The following CYP4V2 variants were observed in gnomAD, a reference collection of about 807,000 sequenced individuals.
CYP4V2 encodes cytochrome P450 4V2.
CYP4V2 carries 55 observed loss-of-function variants against 60.8 expected under a neutral mutation model. The observed-to-expected ratio is 0.90, with a 90% CI of 0.73 to 1.13. The LOEUF (loss-of-function observed/expected upper bound fraction) is 1.13, where lower values mean the gene tolerates loss of function less well. CYP4V2 is among the 50% of genes most tolerant of loss of function. The pLI, the probability that CYP4V2 is intolerant of heterozygous loss-of-function variation, is 0.00. For missense variants in CYP4V2, 675 were observed against 662.9 expected (o/e 1.02, Z -0.20); for synonymous variants, 239 against 236.8 (o/e 1.01, Z -0.08).
At position 186,194,494 on chromosome 4, in the gene CYP4V2, C is replaced by T. The variant is rs372144743; in HGVS notation, c.215-6C>T. Reference sequence around the variant, plus strand: ...ATTGAATTTCAAATTTGATGTTTTTCCCCAGAATTTTTTCAGCAGATCATT... The same window carrying T: ...ATTGAATTTCAAATTTGATGTTTTTTCCCAGAATTTTTTCAGCAGATCATT... On this transcript the variant is annotated splice_region_variant and splice_polypyrimidine_tract_variant and intron_variant, in intron 1 of 10. Coordinates refer to ENST00000378802, the MANE Select transcript of CYP4V2 (RefSeq NM_207352.4). 24 of 1,612,164 alleles carry T rather than the reference C, an allele frequency of 1.5e-5. No individual in the cohort carries two copies. In the African/African-American group the frequency reaches 2.9e-4, roughly 20 times the overall value.
At position 186,195,320 on chromosome 4, in the gene CYP4V2, G is replaced by A. The variant is rs559578989; in HGVS notation, c.328-683G>A. Among the ~76,000 whole-genome samples, 14 of 152,326 alleles carry A rather than the reference G, an allele frequency of 9.2e-5. No individual in the cohort carries two copies. Among genetic ancestry groups the A allele is most frequent in the Admixed American group, 2.6e-4 (4 of 15,302 alleles). ...CCAGAATCCTGGCTCAGAGAAGAGA[G>A]CAAGAAGGGCAGACAGGATTTCTGC... On this transcript the variant is annotated intron_variant, in intron 2 of 10. Coordinates refer to ENST00000378802, the MANE Select transcript of CYP4V2 (RefSeq NM_207352.4). This position sits in a 1 kb window ranked among gnomAD's most constrained non-coding sequence, Gnocchi z 4.1.
chr4:186,209,376 GCCTT>G, intron 10 of CYP4V2, 104 bp downstream of exon 10: 1 of 1,402,880 alleles, frequency 7.1e-7, no homozygotes, highest in Admixed American at 1.8e-5. Context: ...ATATGCAACA[GCCTT>G]AAAAAAAAAA....
At position 186,194,667 on chromosome 4, in the gene CYP4V2, T is replaced by C; in HGVS notation, c.327+55T>C. On this transcript the variant is annotated intron_variant, in intron 2 of 10. Coordinates refer to ENST00000378802, the MANE Select transcript of CYP4V2 (RefSeq NM_207352.4). ...TACTGTGTATCTGACAGTGTGAGAA[T>C]CTCACCAGAATCAATATAACGTGTC... 2.0e-6 allele frequency: 3 copies of C among 1,474,460 alleles called. No homozygotes were observed. In the South Asian group the frequency reaches 3.4e-5, roughly 17 times the overall value. 91.3% of individuals were successfully genotyped at this position (1,474,460 alleles called of 1,614,324 possible).
At chr4:186,197,937 AAAAC>A (rs1475413656) in intron 5 of CYP4V2, among the ~76,000 whole-genome samples, 36 of 152,242 alleles carry the variant, frequency 2.4e-4, no homozygotes, top group Admixed American at 1.3e-3. Context: ...TTCATAGAAA[AAAAC>A]TAGCAGATAT....
At position 186,212,237 on chromosome 4, in the gene CYP4V2, T is replaced by C. The variant is rs1458929555; in HGVS notation, c.*1596T>C. 3 of 152,200 alleles carry C rather than the reference T, an allele frequency of 2.0e-5. No homozygotes were observed. In the East Asian group the frequency reaches 5.8e-4, roughly 29 times the overall value. The allele number at this position is 152,200 out of a possible 1,614,324, so 9.4% of individuals were successfully genotyped here. A position where few individuals can be genotyped will look rare whatever the true frequency, so the allele number is the denominator to read the frequency against. Reference sequence around the variant, plus strand: ...CTCAGGGTGATGATCAGACGTGTCATTAGAACATGAGTCCTCTGCTTCTGA... The same window carrying C: ...CTCAGGGTGATGATCAGACGTGTCACTAGAACATGAGTCCTCTGCTTCTGA... On this transcript the variant is annotated 3_prime_UTR_variant, in exon 11 of 11. Transcript: ENST00000378802.
rs1736747285 is a variant in CYP4V2 at position 186,212,244 on chromosome 4, A to G, written c.*1603A>G. On this transcript the variant is annotated 3_prime_UTR_variant, in exon 11 of 11. Transcript: ENST00000378802. ...TGATGATCAGACGTGTCATTAGAAC[A>G]TGAGTCCTCTGCTTCTGATTCAGGC... 6.6e-6 allele frequency: 1 copy of G among 152,188 alleles called. No individual in the cohort carries two copies. Among genetic ancestry groups the G allele is most frequent in the African/African-American group, 2.4e-5 (1 of 41,460 alleles). The allele number at this position is 152,188 out of a possible 1,614,324, so 9.4% of individuals were successfully genotyped here. A position where few individuals can be genotyped will look rare whatever the true frequency, so the allele number is the denominator to read the frequency against.
chr4:186,202,405 G>A (rs1158082692), intron 7 of CYP4V2: 2 of 152,112 alleles, frequency 1.3e-5, no homozygotes, highest in Admixed American at 1.3e-4. Flanking sequence ...TAGCCGTTCT[G>A]GGCCTGAATA....
Position 186,191,616 on chromosome 4 carries a change from C to A in CYP4V2, c.-208C>A. On this transcript the variant is annotated 5_prime_UTR_variant, in exon 1 of 11. Transcript: ENST00000378802. ...GTGGAGGCCGCGGTGCTGCGTAGGC[C>A]GGGCCGGGCGCAGGAACAGCCCCGT... is the stretch of plus-strand genomic sequence containing the variant. The A allele has an allele frequency of 2.8e-6, 1 of 359,030 alleles. No homozygotes were observed. Among genetic ancestry groups the A allele is most frequent in the Non-Finnish European group, 4.8e-6 (1 of 208,834 alleles). 22.2% of individuals were successfully genotyped at this position (359,030 alleles called of 1,614,324 possible). A position where few individuals can be genotyped will look rare whatever the true frequency, so the allele number is the denominator to read the frequency against.
rs1227286487 is a variant in CYP4V2, at chr4:186,208,977, T to C, written c.1203T>C (p.Ser401=). ...CTTCTGTTCCTTTATTTGCCCGTAGTGTTAGTGAAGATTGTGAAGTGGGTA... is the reference window on the plus strand; with the variant it reads ...CTTCTGTTCCTTTATTTGCCCGTAGCGTTAGTGAAGATTGTGAAGTGGGTA... ...LFPSVPLFAR[S]VSEDCEVAGY... Residue 401 remains serine (S), a synonymous_variant, in exon 9 of 11, where the codon AGT becomes AGC. Transcript: ENST00000378802. 53 of 1,614,044 alleles carry C rather than the reference T, an allele frequency of 3.3e-5. No homozygotes were observed. The highest frequency in any genetic ancestry group is 4.2e-5 in the Non-Finnish European group (49 of 1,180,044).
rs1735984569 is a variant in CYP4V2, at chr4:186,191,709, GA to G, written c.-114del. 3.9e-6 allele frequency: 4 copies of G among 1,023,456 alleles called. No homozygotes were observed. The highest frequency in any genetic ancestry group is 5.0e-6 in the Non-Finnish European group (4 of 798,452). 63.4% of individuals were successfully genotyped at this position (1,023,456 alleles called of 1,614,324 possible). On this transcript the variant is annotated 5_prime_UTR_variant, in exon 1 of 11. Coordinates refer to ENST00000378802, the MANE Select transcript of CYP4V2 (RefSeq NM_207352.4). ...GGGGACCGGGCGACCCCGCAGCGGG[GA>G]GCGCGCCAGGTCCGCGCGGGGAAGT...
In CYP4V2 at chr4:186,194,069, T is replaced by A. The variant is rs1208913940; in HGVS notation, c.215-431T>A. ...ATTGACACTGGTGATTTCACCCAGC[T>A]CCCTTCATAGCAATTTTGACAACTG... is the stretch of plus-strand genomic sequence containing the variant. On this transcript the variant is annotated intron_variant, in intron 1 of 10. Transcript: ENST00000378802. 2.6e-5 allele frequency among the ~76,000 whole-genome samples: 4 copies of A among 152,188 alleles called. No homozygotes were observed. The East Asian group carries it at 7.7e-4, about 29-fold the overall frequency.
chr4:186,206,212 G>GGTGT, intron 8 of CYP4V2, among the ~76,000 whole-genome samples: 1 of 151,664 alleles, frequency 6.6e-6, no homozygotes, highest in East Asian at 1.9e-4. Context: ...ATGCATGTGT[G>GGTGT]GTGTGTGTGT....
chr4:186,210,382 T>TG, intron 10 of CYP4V2, 87 bp from the exon 11 acceptor site: 1 of 1,560,230 alleles, frequency 6.4e-7, no homozygotes, highest in South Asian at 1.1e-5. Context: ...AAATGTAAAG[T>TG]GGCTCGCTTC....
At chr4:186,194,656 C>A in intron 2 of CYP4V2, 44 bp downstream of exon 2, 1 of 1,517,604 alleles carries the variant, frequency 6.6e-7, no homozygotes, top group Non-Finnish European at 9.2e-7. Flanking sequence ...GTGTATCTGA[C>A]AGTGTGAGAA....
At chr4:186,204,962 T>C (rs1329128440) in intron 7 of CYP4V2, 1 of 565,170 alleles carries the variant, frequency 1.8e-6, no homozygotes, top group African/African-American at 1.9e-5. Flanking sequence ...CACAGGCACG[T>C]CCCACCAGCG....
chr4:186,191,774 C>G lies in CYP4V2; in HGVS notation c.-50C>G, dbSNP rs1735987794. ...CCGGCACCGCCTCGCACCACGCCCC[C>G]GCGGGCCCGCACTTTCCCGGAGTGC... On this transcript the variant is annotated 5_prime_UTR_variant, in exon 1 of 11. Coordinates refer to ENST00000378802, the MANE Select transcript of CYP4V2 (RefSeq NM_207352.4). The G allele has an allele frequency of 7.1e-7, 1 of 1,407,626 alleles. No homozygotes were observed. The highest frequency in any genetic ancestry group is 9.2e-7 in the Non-Finnish European group (1 of 1,086,318). The allele number at this position is 1,407,626 out of a possible 1,614,324, so 87.2% of individuals were successfully genotyped here.
intron 4 of CYP4V2, 149 bp from the exon 5 acceptor site, chr4:186,197,384 C>A: frequency 1.1e-6 from 1 of 924,996 alleles, no homozygotes; most frequent in Non-Finnish European, 1.7e-6. Context: ...GTGGACCGTA[C>A]AAGAGAAGAG....
chr4:186,204,959 A>C, intron 7 of CYP4V2: 1 of 556,624 alleles, frequency 1.8e-6, no homozygotes, highest in Non-Finnish European at 3.2e-6. Context: ...CAGCACAGGC[A>C]CGTCCCACCA....
intron 8 of CYP4V2, among the ~76,000 whole-genome samples, chr4:186,206,794 A>G (rs922056976): frequency 2.0e-5 from 3 of 152,148 alleles, no homozygotes; most frequent in Admixed American, 1.3e-4. Flanking sequence ...GCAAGCTTTT[A>G]TTTTGCAGAA....
Sources: allele counts gnomAD v4.1 joint callset (sites outside exome capture counted in the v4.1 genomes callset), GRCh38; gene constraint gnomAD v4.1.1; non-coding constraint Gnocchi (gnomAD v3.1); transcripts MANE v1.5; gene names NCBI Gene and HGNC (gene_info 2026-07-23, HGNC 2026-07-21).